FBXW11: variants seen among roughly 807,000 people sequenced by gnomAD.
The protein encoded by FBXW11 is F-box and WD repeat domain containing 11.
FBXW11 carries 19 observed loss-of-function variants against 77.6 expected under a neutral mutation model. The observed-to-expected ratio is 0.24, with a 90% CI of 0.17 to 0.36. The LOEUF (loss-of-function observed/expected upper bound fraction) is 0.36. FBXW11 is among the 10% of genes least tolerant of loss of function. The pLI is 1.00. For missense variants in FBXW11, 334 were observed against 704.2 expected (o/e 0.47, Z 5.95); for synonymous variants, 235 against 249.4 (o/e 0.94, Z 0.54).
At chr5:171,941,036 T>A (rs529627964) in intron 2 of FBXW11, among the ~76,000 whole-genome samples, 1 of 152,196 alleles carries the variant, frequency 6.6e-6, no homozygotes, top group East Asian at 1.9e-4. Flanking sequence ...ATAGAATAAA[T>A]GAAAAACTGA....
intron 2 of FBXW11, among the ~76,000 whole-genome samples, chr5:171,928,418 C>T (rs956359921): frequency 6.6e-6 from 1 of 152,174 alleles, no homozygotes; most frequent in Admixed American, 6.5e-5. Flanking sequence ...TTAGCAATCT[C>T]AAGGGACTCA....
At chr5:171,894,968 T>C (rs1460741420) in intron 6 of FBXW11, among the ~76,000 whole-genome samples, 1 of 152,214 alleles carries the variant, frequency 6.6e-6, no homozygotes, top group Non-Finnish European at 1.5e-5. Flanking sequence ...CAAATACATA[T>C]ATTCTCACAA....
At chr5:171,932,954 CAAAAAAA>C (rs59324690) in intron 2 of FBXW11, among the ~76,000 whole-genome samples, 1,001 of 50,272 alleles carry the variant, frequency 0.02, 18 homozygotes, top group African/African-American at 0.067. Flanking sequence ...CTGCCTCTAC[CAAAAAAA>C]AAAAAAAAAA....
At chr5:171,976,714 T>C (rs1764845524) in intron 1 of FBXW11, among the ~76,000 whole-genome samples, 1 of 152,124 alleles carries the variant, frequency 6.6e-6, no homozygotes, top group South Asian at 2.1e-4. Flanking sequence ...TTCAGGTCCC[T>C]TAACCTTGGA....
At chr5:171,972,884 T>C (rs1313929610) in intron 1 of FBXW11, among the ~76,000 whole-genome samples, 1 of 152,174 alleles carries the variant, frequency 6.6e-6, no homozygotes, top group Non-Finnish European at 1.5e-5. Context: ...TGCCATGAAA[T>C]GTGTCATCAT....
At chr5:171,983,419 T>C (rs2113505836) in intron 1 of FBXW11, among the ~76,000 whole-genome samples, 1 of 152,156 alleles carries the variant, frequency 6.6e-6, no homozygotes, top group South Asian at 2.1e-4. Context: ...GAACCCACAG[T>C]ATGGGTAGCG....
intron 1 of FBXW11, 137 bp from the exon 2 acceptor site, chr5:171,957,835 G>C: frequency 1.5e-6 from 1 of 679,550 alleles, no homozygotes; most frequent in Non-Finnish European, 2.6e-6. Context: ...GATGGTCCCA[G>C]ACAGCTCACT....
intron 2 of FBXW11, among the ~76,000 whole-genome samples, chr5:171,938,765 G>A (rs540788140): frequency 2.6e-5 from 4 of 152,240 alleles, no homozygotes; most frequent in African/African-American, 9.6e-5. Context: ...ATGCTCATAC[G>A]AAAGACACTG....
intron 6 of FBXW11, among the ~76,000 whole-genome samples, chr5:171,895,569 A>ATT (rs1399821986): frequency 1.3e-5 from 2 of 152,216 alleles, no homozygotes; most frequent in Admixed American, 6.5e-5. Flanking sequence ...GAGAGGAAGA[A>ATT]GGTAGATTAC....
At chr5:171,902,049 C>T (rs1760156759) in intron 4 of FBXW11, among the ~76,000 whole-genome samples, 1 of 152,214 alleles carries the variant, frequency 6.6e-6, no homozygotes, top group Non-Finnish European at 1.5e-5. Flanking sequence ...ACTGATGCCG[C>T]ATCAATATGC....
intron 1 of FBXW11, among the ~76,000 whole-genome samples, chr5:172,001,082 C>G (rs879548021): frequency 2.6e-5 from 4 of 152,222 alleles, no homozygotes; most frequent in Non-Finnish European, 4.4e-5. Flanking sequence ...ATAAACAACA[C>G]ACCACCCACC....
intron 1 of FBXW11, among the ~76,000 whole-genome samples, chr5:172,000,615 ACTTC>A (rs1443163938): frequency 3.9e-5 from 6 of 152,304 alleles, no homozygotes; most frequent in African/African-American, 7.2e-5. Flanking sequence ...ATCGGTCTTG[ACTTC>A]GCTTTAGGGT....
intron 2 of FBXW11, 113 bp from the exon 3 acceptor site, chr5:171,914,518 AC>A: frequency 1.2e-6 from 1 of 842,768 alleles, no homozygotes; most frequent in Non-Finnish European, 1.7e-6. Flanking sequence ...AAACCCAAGA[AC>A]TATTTGGCTT....
At chr5:171,983,674 T>C (rs1428825087) in intron 1 of FBXW11, among the ~76,000 whole-genome samples, 1 of 152,164 alleles carries the variant, frequency 6.6e-6, no homozygotes, top group Admixed American at 6.5e-5. Context: ...CCTTCTTCTG[T>C]GTTCATGACT....
intron 2 of FBXW11, among the ~76,000 whole-genome samples, chr5:171,937,837 C>CAAAAAAAAAAAAAA (rs893848306): frequency 1.7e-5 from 1 of 57,786 alleles, no homozygotes. Context: ...CAAAAAAAAG[C>CAAAAAAAAAAAAAA]AAAAAAAAAA....
chr5:171,953,564 T>C (rs1419106909), intron 2 of FBXW11, among the ~76,000 whole-genome samples: 1 of 152,204 alleles, frequency 6.6e-6, no homozygotes, highest in Non-Finnish European at 1.5e-5. Context: ...AATCTAAGAC[T>C]GAAATTCCTT....
chr5:171,911,367 AATTTCT>A (rs1760874854), intron 3 of FBXW11, among the ~76,000 whole-genome samples: 1 of 152,174 alleles, frequency 6.6e-6, no homozygotes, highest in African/African-American at 2.4e-5. Context: ...GGAGCCCATG[AATTTCT>A]ATTTCTAACA....
At chr5:171,878,603 AGTGT>A (rs34099380) in intron 7 of FBXW11, among the ~76,000 whole-genome samples, 2,857 of 128,510 alleles carry the variant, frequency 0.022, 78 homozygotes, top group African/African-American at 0.068. Context: ...AGAGAGAGAG[AGTGT>A]GTGTGTGTGT....
At position 171,968,272 on chromosome 5, in the gene FBXW11, C is replaced by T. The variant is rs187353700; in HGVS notation, c.46-10574G>A. 2.7e-3 allele frequency among the ~76,000 whole-genome samples: 408 copies of T among 151,874 alleles called. 2 individuals are homozygous for T. Among genetic ancestry groups the T allele is most frequent in the African/African-American group, 9.4e-3 (388 of 41,430 alleles). Reference sequence around the variant, plus strand: ...GAGATCGAGACCATCCCGGCTAACACGGTGAAACCCCTCGTCTCTACTAAA... The same window carrying T: ...GAGATCGAGACCATCCCGGCTAACATGGTGAAACCCCTCGTCTCTACTAAA... On this transcript the variant is annotated intron_variant, in intron 1 of 13. Coordinates refer to ENST00000517395, the MANE Select transcript of FBXW11 (RefSeq NM_001378974.1).
Sources: allele counts gnomAD v4.1 joint callset (sites outside exome capture counted in the v4.1 genomes callset), GRCh38; gene constraint gnomAD v4.1.1; transcripts MANE v1.5; gene names NCBI Gene and HGNC (gene_info 2026-07-23, HGNC 2026-07-21).